Variants in BCAS3 observed in about 807,000 individuals in gnomAD.
The protein encoded by BCAS3 is BCAS4/BCAS3 fusion.
Under a neutral mutation model 116.1 loss-of-function variants are expected in BCAS3, and 53 were observed. That is an observed-to-expected ratio of 0.46 (90% CI 0.37 to 0.57). The LOEUF (loss-of-function observed/expected upper bound fraction) is 0.57. BCAS3 is among the 20% of genes least tolerant of loss of function. BCAS3 has a pLI of 0.00. For missense variants in BCAS3, 917 were observed against 1,165.4 expected, an observed-to-expected ratio of 0.79 and a Z score of 3.10; for synonymous variants, 391 against 408.2, an observed-to-expected ratio of 0.96 and a Z score of 0.51.
In BCAS3 at chr17:61,106,007, A is replaced by G. The variant is rs1334437885; in HGVS notation, c.2425+21443A>G. Among the ~76,000 whole-genome samples, 2 of 152,116 alleles carry G rather than the reference A, an allele frequency of 1.3e-5. No homozygotes were observed. Among genetic ancestry groups the G allele is most frequent in the Admixed American group, 1.3e-4 (2 of 15,276 alleles). ...TTTGTCTGGCATCTCCAGGCTGTCT[A>G]TGCTACCTATCCTTTGGTCACTTGG... is the stretch of plus-strand genomic sequence containing the variant. On this transcript the variant is annotated intron_variant, in intron 22 of 23. Transcript: ENST00000407086. This position sits in a 1 kb window ranked among gnomAD's most constrained non-coding sequence, Gnocchi z 4.2.
At chr17:61,049,903 G>A (rs145142132) in intron 19 of BCAS3, among the ~76,000 whole-genome samples, 1 of 151,424 alleles carries the variant, frequency 6.6e-6, no homozygotes, top group African/African-American at 2.4e-5. Context: ...TGGCTAATTT[G>A]TTGTATTTTT....
At chr17:60,737,038 C>G (rs935645772) in intron 5 of BCAS3, among the ~76,000 whole-genome samples, 9 of 152,082 alleles carry the variant, frequency 5.9e-5, no homozygotes, top group African/African-American at 1.9e-4. Context: ...CTCCCAGGTT[C>G]AAGCGGTTCT....
At chr17:61,006,143 C>A (rs1395633904) in intron 15 of BCAS3, among the ~76,000 whole-genome samples, 10 of 152,032 alleles carry the variant, frequency 6.6e-5, no homozygotes, top group Non-Finnish European at 1.5e-5. Context: ...TTTTTCATGG[C>A]TGCATAGTAT....
intron 22 of BCAS3, among the ~76,000 whole-genome samples, chr17:61,236,158 C>T (rs2083041591): frequency 6.6e-6 from 1 of 152,182 alleles, no homozygotes; most frequent in Non-Finnish European, 1.5e-5. Context: ...TGCCAGCTAT[C>T]ATACGTCAGA....
intron 22 of BCAS3, among the ~76,000 whole-genome samples, chr17:61,210,106 G>A (rs2081369399): frequency 6.6e-6 from 1 of 152,166 alleles, no homozygotes; most frequent in Admixed American, 6.5e-5. Context: ...ACCACATTTG[G>A]GAGTTGATTC....
At chr17:60,774,760 C>G (rs2045105376) in intron 6 of BCAS3, among the ~76,000 whole-genome samples, 1 of 152,140 alleles carries the variant, frequency 6.6e-6, no homozygotes, top group Non-Finnish European at 1.5e-5. Flanking sequence ...TCATCTCTGC[C>G]CTATTGGGCA....
intron 8 of BCAS3, among the ~76,000 whole-genome samples, chr17:60,871,534 TG>T (rs2055100735): frequency 6.6e-6 from 1 of 151,994 alleles, no homozygotes; most frequent in African/African-American, 2.4e-5. Context: ...GGAAGTAGCG[TG>T]GGGTATGTGT....
chr17:61,210,515 C>T (rs906541744), intron 22 of BCAS3, among the ~76,000 whole-genome samples: 4 of 152,214 alleles, frequency 2.6e-5, no homozygotes, highest in African/African-American at 9.6e-5. Flanking sequence ...TTCTGAATTT[C>T]TTTCCCAGCT....
chr17:61,129,982 A>G (rs763371732), intron 22 of BCAS3, among the ~76,000 whole-genome samples: 3 of 152,198 alleles, frequency 2.0e-5, no homozygotes, highest in South Asian at 2.1e-4. Context: ...TAGACCACCA[A>G]TGATTCTTGT....
chr17:61,235,033 G>T lies in BCAS3; in HGVS notation c.2426-133294G>T, dbSNP rs12947302. ...CTCCCGAGTAGCTGGGACTATAGGC[G>T]CACGCCACCACTCCTGGCTAAGTTT... On this transcript the variant is annotated intron_variant, in intron 22 of 23. Coordinates refer to ENST00000407086, the MANE Select transcript of BCAS3 (RefSeq NM_017679.5). The surrounding 1 kb of genome is among the most constrained non-coding windows in gnomAD (Gnocchi z 5.0). Among the ~76,000 whole-genome samples, 1 of 151,864 alleles carries T rather than the reference G, an allele frequency of 6.6e-6. No homozygotes were observed. The highest frequency in any genetic ancestry group is 2.4e-5 in the African/African-American group (1 of 41,292).
intron 6 of BCAS3, among the ~76,000 whole-genome samples, chr17:60,747,625 G>A (rs538711072): frequency 2.0e-5 from 3 of 152,090 alleles, no homozygotes; most frequent in Admixed American, 6.6e-5. Flanking sequence ...TGACTGTGCC[G>A]CCTTTGTTAT....
chr17:60,948,608 A>G (rs1157713529), intron 14 of BCAS3, among the ~76,000 whole-genome samples: 1 of 152,172 alleles, frequency 6.6e-6, no homozygotes, highest in Non-Finnish European at 1.5e-5. Context: ...TCATTTTCCA[A>G]CAGTCTAAAG....
At position 61,078,510 on chromosome 17, in the gene BCAS3, C is replaced by G. The variant is rs2143488986; in HGVS notation, c.2308C>G (p.Leu770Val). The G allele has an allele frequency of 6.2e-7, 1 of 1,613,806 alleles. No homozygotes were observed. Among genetic ancestry groups the G allele is most frequent in the East Asian group, 2.2e-5 (1 of 44,876 alleles). ...TCTTTTGGATTTTGATACAGATGAT[C>G]TTGATCTCAACAGTCTCAGGTAGGA... ...QPLLDFDTDD[L>V]DLNSLRIQPV... The change falls in exon 21 of 24, where the codon CTT becomes GTT. Residue 770 changes from leucine to valine, a missense_variant. Coordinates refer to ENST00000407086, the MANE Select transcript of BCAS3 (RefSeq NM_017679.5).
At chr17:61,107,713 G>T (rs1157454838) in intron 22 of BCAS3, among the ~76,000 whole-genome samples, 1 of 152,192 alleles carries the variant, frequency 6.6e-6, no homozygotes, top group South Asian at 2.1e-4. Flanking sequence ...TTGCTGAGTA[G>T]TATTGCATGG....
intron 14 of BCAS3, among the ~76,000 whole-genome samples, chr17:60,972,416 A>G (rs2062018219): frequency 6.9e-6 from 1 of 144,132 alleles, no homozygotes; most frequent in Non-Finnish European, 1.5e-5. Context: ...TGGGACAGCT[A>G]GGATGTTGGG....
At chr17:61,357,270 T>TAAATAAATAAATA (rs1568930756) in intron 22 of BCAS3, among the ~76,000 whole-genome samples, 45 of 147,032 alleles carry the variant, frequency 3.1e-4, no homozygotes, top group African/African-American at 1.1e-3. Context: ...ATAAATAAAT[T>TAAATAAATAAATA]AATTAATTAA....
At chr17:60,863,435 G>A (rs1388062766) in intron 7 of BCAS3, among the ~76,000 whole-genome samples, 1 of 151,690 alleles carries the variant, frequency 6.6e-6, no homozygotes, top group Non-Finnish European at 1.5e-5. Flanking sequence ...TTAATTTTTT[G>A]GTTTCCCAGT....
intron 6 of BCAS3, among the ~76,000 whole-genome samples, chr17:60,792,037 T>C (rs971121669): frequency 6.6e-6 from 1 of 152,094 alleles, no homozygotes; most frequent in African/African-American, 2.4e-5. Context: ...GCAGGAGAAT[T>C]GCTTGAACCC....
chr17:60,977,659 C>A (rs192401846), intron 14 of BCAS3, among the ~76,000 whole-genome samples: 2 of 149,128 alleles, frequency 1.3e-5, no homozygotes, highest in Admixed American at 1.3e-4. Context: ...CCGCTCCCCC[C>A]ACCCCACAAT....
Sources: gnomAD v4.1 joint callset for allele counts (sites outside exome capture counted in the v4.1 genomes callset) on GRCh38, gnomAD v4.1.1 for gene constraint, Gnocchi (gnomAD v3.1) non-coding constraint, MANE v1.5 for transcripts, NCBI Gene and HGNC (gene_info 2026-07-23, HGNC 2026-07-21) for gene names.